VWA3A: variants seen among roughly 807,000 people sequenced by gnomAD.
VWA3A encodes the protein von Willebrand factor A domain containing 3A.
VWA3A carries 134 observed loss-of-function variants against 160.4 expected under a neutral mutation model. That is an observed-to-expected ratio of 0.84 (90% CI 0.73 to 0.96). The LOEUF (loss-of-function observed/expected upper bound fraction) is 0.96, where lower values mean the gene tolerates loss of function less well. VWA3A is among the 40% of genes least tolerant of loss of function. The probability of loss-of-function intolerance (pLI) is 0.00; values close to 1 mark genes in which losing one functional copy is unlikely to be tolerated. For missense variants in VWA3A, 1,310 were observed against 1,447.9 expected (o/e 0.90, Z 1.55); for synonymous variants, 476 against 543.4 (o/e 0.88, Z 1.72).
In VWA3A at chr16:22,131,696, C is replaced by T; in HGVS notation, c.1839C>T (p.Tyr613=). The T allele has an allele frequency of 6.2e-7, 1 of 1,613,970 alleles. No homozygotes were observed. Among genetic ancestry groups the T allele is most frequent in the Non-Finnish European group, 8.5e-7 (1 of 1,179,852 alleles). The change falls in exon 19 of 34, where the codon TAC becomes TAT. Residue 613 remains tyrosine (Y), a synonymous_variant. Transcript: ENST00000389398. The stretch of plus-strand genomic sequence containing the variant: ...ACAAACACCAATCGCAGGGAATCTA[C>T]CTCTTCACTGGGGGCATCCCCGACC... ...DKDKHQSQGI[Y]LFTGGIPDQD...
intron 25 of VWA3A, among the ~76,000 whole-genome samples, chr16:22,143,124 TG>T (rs760434511): frequency 2.1e-5 from 3 of 143,986 alleles, no homozygotes; most frequent in Non-Finnish European, 4.5e-5. Context: ...CACTCCAGCC[TG>T]GGTGACAGAG....
chr16:22,117,526 A>T (rs1279448554), intron 11 of VWA3A, among the ~76,000 whole-genome samples: 1 of 152,158 alleles, frequency 6.6e-6, no homozygotes, highest in Non-Finnish European at 1.5e-5. Context: ...CCAAAGCACT[A>T]AGTCTGAATT....
chr16:22,097,638 G>A lies in VWA3A; in HGVS notation c.168G>A (p.Gly56=). Reference sequence around the variant, plus strand: ...AGCAGAAGAATATGAATGGACTTGGGCAAAATTCGGACAATGGATTATTGG... The same window carrying A: ...AGCAGAAGAATATGAATGGACTTGGACAAAATTCGGACAATGGATTATTGG... ...PLKQKNMNGL[G]QNSDNGLLVT... is the part of the protein sequence containing the mutation. Residue 56 remains glycine, a synonymous_variant, in exon 3 of 34, where the codon GGG becomes GGA. Transcript: ENST00000389398. 6.4e-7 allele frequency: 1 copy of A among 1,551,772 alleles called. No individual in the cohort carries two copies. Among genetic ancestry groups the A allele is most frequent in the Non-Finnish European group, 8.7e-7 (1 of 1,146,984 alleles).
chr16:22,124,955 G>A (rs565558895), intron 16 of VWA3A, among the ~76,000 whole-genome samples: 2 of 152,184 alleles, frequency 1.3e-5, no homozygotes, highest in South Asian at 2.1e-4. Flanking sequence ...ATTAGAGAAA[G>A]AACAAATAAG....
chr16:22,146,744 G>T (rs1031725507), intron 27 of VWA3A, among the ~76,000 whole-genome samples: 6 of 151,820 alleles, frequency 4.0e-5, no homozygotes, highest in Admixed American at 3.3e-4. Context: ...ACTCCATCCT[G>T]GGCAACAAGA....
intron 23 of VWA3A, among the ~76,000 whole-genome samples, chr16:22,140,698 C>A (rs535146085): frequency 2.8e-4 from 42 of 151,832 alleles, no homozygotes; most frequent in African/African-American, 9.4e-4. Context: ...GCAACCTCCA[C>A]CTCCTGGGTT....
At chr16:22,092,680 G>A (rs1192534124) in intron 1 of VWA3A, 29 bp downstream of exon 1, 1 of 1,550,212 alleles carries the variant, frequency 6.5e-7, no homozygotes, top group African/African-American at 1.4e-5. Flanking sequence ...AGGGTTGACA[G>A]GGGTGGTGAG....
At chr16:22,110,438 TC>T (rs1279962673) in intron 7 of VWA3A, among the ~76,000 whole-genome samples, 1 of 152,010 alleles carries the variant, frequency 6.6e-6, no homozygotes, top group African/African-American at 2.4e-5. Flanking sequence ...CAGAGCAGGC[TC>T]CCCCTTCATG....
chr16:22,092,948 C>T (rs907005710), intron 1 of VWA3A, among the ~76,000 whole-genome samples: 1 of 151,970 alleles, frequency 6.6e-6, no homozygotes, highest in African/African-American at 2.4e-5. Flanking sequence ...TCAGGAAAGA[C>T]TCCTATTATT....
intron 8 of VWA3A, among the ~76,000 whole-genome samples, chr16:22,113,838 G>A (rs2045592559): frequency 6.7e-6 from 1 of 149,652 alleles, no homozygotes; most frequent in Non-Finnish European, 1.5e-5. Context: ...GCCTCAAGTG[G>A]TCCTCCCGCC....
intron 29 of VWA3A, 90 bp from the exon 30 acceptor site, chr16:22,150,605 G>T: frequency 6.9e-7 from 1 of 1,443,200 alleles, no homozygotes. Context: ...TTTGGCAGAG[G>T]CGGCAGCAGG....
intron 19 of VWA3A, 48 bp downstream of exon 19, chr16:22,131,777 C>T (rs1316852750): frequency 7.0e-6 from 11 of 1,573,964 alleles, no homozygotes; most frequent in African/African-American, 5.4e-5. Flanking sequence ...CGACCTCATC[C>T]GTCTTCCCCC....
rs114530290 is a variant in VWA3A at position 22,131,301 on chromosome 16, C to T, written c.1727+22C>T. The T allele has an allele frequency of 1.4e-3, 2,181 of 1,612,686 alleles. 27 individuals carry two copies. In the African/African-American group the frequency reaches 0.026, roughly 19 times the overall value. ...GGCGGTAGGTTATGGGCAGAGACTT[C>T]GTGGGGCTGTGTCTGAGGGAAGGTT... On this transcript the variant is annotated intron_variant, in intron 18 of 33. Coordinates refer to ENST00000389398, the MANE Select transcript of VWA3A (RefSeq NM_173615.5).
intron 14 of VWA3A, 103 bp from the exon 15 acceptor site, chr16:22,122,982 G>A (rs1194929593): frequency 3.1e-5 from 29 of 930,980 alleles, no homozygotes; most frequent in Non-Finnish European, 4.7e-5. Context: ...TGTGTTCAGA[G>A]TCCACTTCAC....
intron 7 of VWA3A, among the ~76,000 whole-genome samples, chr16:22,110,243 GC>G (rs2045534360): frequency 6.6e-6 from 1 of 152,200 alleles, no homozygotes; most frequent in Admixed American, 6.5e-5. Flanking sequence ...GAGAAGTCTG[GC>G]CTAGAGAAAA....
chr16:22,110,485 A>T lies in VWA3A; in HGVS notation c.583-403A>T, dbSNP rs80182810. Among the ~76,000 whole-genome samples, 121 of 152,246 alleles carry T rather than the reference A, an allele frequency of 7.9e-4. 4 individuals are homozygous for T. The East Asian group carries it at 0.022, about 27-fold the overall frequency. On this transcript the variant is annotated intron_variant, in intron 7 of 33. Coordinates refer to ENST00000389398, the MANE Select transcript of VWA3A (RefSeq NM_173615.5). ...AGGACGGAGTTTCCAAAGATCCCCC[A>T]GGTGGAGTGGTCTACTATTAGCCAG... is the stretch of plus-strand genomic sequence containing the variant.
intron 5 of VWA3A, among the ~76,000 whole-genome samples, chr16:22,100,956 CCCTGTCT>C (rs748005987): frequency 2.6e-4 from 39 of 148,860 alleles, no homozygotes; most frequent in Admixed American, 5.4e-4. Flanking sequence ...TAGAGTGGGA[CCCTGTCT>C]CAAAAAAAAA....
chr16:22,137,348 T>G (rs1411781316), intron 21 of VWA3A, among the ~76,000 whole-genome samples: 1 of 152,154 alleles, frequency 6.6e-6, no homozygotes, highest in Non-Finnish European at 1.5e-5. Flanking sequence ...TCTGCCAGCA[T>G]CTGGAATCAG....
intron 21 of VWA3A, among the ~76,000 whole-genome samples, chr16:22,136,271 C>A (rs1478694667): frequency 6.6e-6 from 1 of 152,116 alleles, no homozygotes; most frequent in Non-Finnish European, 1.5e-5. Flanking sequence ...TACAAACTGA[C>A]CCCCACGCTC....
Sources: gnomAD v4.1 joint callset for allele counts (sites outside exome capture counted in the v4.1 genomes callset) on GRCh38, gnomAD v4.1.1 for gene constraint, MANE v1.5 for transcripts, NCBI Gene and HGNC (gene_info 2026-07-23, HGNC 2026-07-21) for gene names.